Variants in HK3 observed in about 807,000 individuals in gnomAD.
HK3 encodes the protein hexokinase-3.
A neutral mutation model predicts 91.0 loss-of-function variants in HK3; 93 were observed. The observed-to-expected ratio is 1.02, with a 90% CI of 0.86 to 1.21. The LOEUF is 1.21. Among genes scored for constraint, HK3 ranks in the 50% most tolerant of loss-of-function variants. The pLI is 0.00. For synonymous variants in HK3, 519 were observed against 516.9 expected, an observed-to-expected ratio of 1.00 and a Z score of -0.06; for missense variants, 1,235 against 1,247.4, an observed-to-expected ratio of 0.99 and a Z score of 0.15.
intron 16 of HK3, 24 bp downstream of exon 16, chr5:176,881,920 C>A (rs1355877670): frequency 6.2e-7 from 1 of 1,612,660 alleles, no homozygotes; most frequent in Non-Finnish European, 8.5e-7. Flanking sequence ...CAGCCAGCCA[C>A]CACTGCCTGG....
chr5:176,891,152 C>T lies in HK3; in HGVS notation c.299G>A (p.Gly100Glu), dbSNP rs1758761349. 1 of 1,614,140 alleles carries T rather than the reference C, an allele frequency of 6.2e-7. No homozygotes were observed. Among genetic ancestry groups the T allele is most frequent in the Non-Finnish European group, 8.5e-7 (1 of 1,180,040 alleles). ...CACCCACAAAACACGCAGTGAGGCC[C>T]CTGTGGCCCCCAGCTCCAGCACCAC... Reference protein sequence around the residue: ...DFVVLELGATGASLRVLWVTL... With the variant: ...DFVVLELGATEASLRVLWVTL... The change falls in exon 4 of 19, where the codon GGG becomes GAG. Residue 100 changes from glycine (G) to glutamate (E), a missense_variant. Physicochemically the swap from Gly to Glu is moderately conservative, Grantham distance 98. Coordinates refer to ENST00000292432, the MANE Select transcript of HK3 (RefSeq NM_002115.3).
Position 176,888,499 on chromosome 5 carries a change from C to T in HK3, c.1137G>A (p.Ser379=), listed in dbSNP as rs372348774. 52 of 1,553,950 alleles carry T rather than the reference C, an allele frequency of 3.3e-5. No homozygotes were observed. In the Admixed American group the frequency reaches 5.1e-4, roughly 15 times the overall value. Residue 379 remains serine, a synonymous_variant, in exon 10 of 19, where the codon TCG becomes TCA. Coordinates refer to ENST00000292432, the MANE Select transcript of HK3 (RefSeq NM_002115.3). The part of the protein sequence containing the change: ...LQDLGLSPGA[S]DVELVQHVCA... Reference sequence around the variant, plus strand: ...AGACGTGCTGCACAAGCTCAACATCCGAAGCCCCAGGGCTCAGGCCCAAGT... The same window carrying T: ...AGACGTGCTGCACAAGCTCAACATCTGAAGCCCCAGGGCTCAGGCCCAAGT...
chr5:176,891,236 C>A (rs905333247), intron 3 of HK3, 45 bp from the exon 4 acceptor site: 5 of 1,613,748 alleles, frequency 3.1e-6, no homozygotes, highest in Non-Finnish European at 4.2e-6. Flanking sequence ...CTGGCAAGAC[C>A]AGAGCCCTCT....
chr5:176,892,194 G>A (rs1051644255), intron 2 of HK3, among the ~76,000 whole-genome samples: 2 of 152,198 alleles, frequency 1.3e-5, no homozygotes, highest in African/African-American at 4.8e-5. Context: ...AATTAAGCAC[G>A]TGAACATACA....
Position 176,884,156 on chromosome 5 carries a change from G to T in HK3, c.1858-22C>A. ...TGCCCTGGGGTGAGACCGAGAGGAA[G>T]TGGCAGGAAGCTGGAGGCCCCTTCA... On this transcript the variant is annotated intron_variant, in intron 13 of 18. Coordinates refer to ENST00000292432, the MANE Select transcript of HK3 (RefSeq NM_002115.3). This position sits in a 1 kb window ranked among gnomAD's most constrained non-coding sequence, Gnocchi z 4.1. The T allele has an allele frequency of 6.2e-7, 1 of 1,604,442 alleles. No homozygotes were observed. The highest frequency in any genetic ancestry group is 8.5e-7 in the Non-Finnish European group (1 of 1,171,388).
intron 1 of HK3, among the ~76,000 whole-genome samples, chr5:176,897,388 G>A (rs918676817): frequency 2.0e-5 from 3 of 152,114 alleles, no homozygotes; most frequent in African/African-American, 7.2e-5. Context: ...ACACAGCAGA[G>A]GGCCCAATAT....
rs368153079 is a variant in HK3 at position 176,881,448 on chromosome 5, C to T, written c.2481G>A (p.Glu827=). 4.3e-6 allele frequency: 7 copies of T among 1,610,462 alleles called. No individual in the cohort carries two copies. The African/African-American group carries it at 9.3e-5, about 21-fold the overall frequency. The change falls in exon 18 of 19, where the codon GAG becomes GAA. Residue 827 remains glutamate (E), a synonymous_variant. Transcript: ENST00000292432. ...LTSDDALMVL[E]VCQAVSQRAA... is the part of the protein sequence containing the mutation. ...CCCTCTGGGACACAGCCTGGCACAC[C>T]TCTAGCACCATCAGGGCGTCATCTG...
Position 176,882,139 on chromosome 5 carries a change from C to A in HK3, c.2054-12G>T. 6.2e-7 allele frequency: 1 copy of A among 1,612,074 alleles called. No homozygotes were observed. Among genetic ancestry groups the A allele is most frequent in the East Asian group, 2.2e-5 (1 of 44,864 alleles). ...ATTGGTGCCGGTTCCTGCAGAGAGG[C>A]CAGACAACGTGGAAGCTACTTACTG... is the stretch of plus-strand genomic sequence containing the variant. On this transcript the variant is annotated splice_polypyrimidine_tract_variant and intron_variant, in intron 15 of 18. Coordinates refer to ENST00000292432, the MANE Select transcript of HK3 (RefSeq NM_002115.3).
rs771412859 is a variant in HK3, at chr5:176,884,028, C to G, written c.1953+11G>C. On this transcript the variant is annotated intron_variant, in intron 14 of 18. Transcript: ENST00000292432. This position sits in a 1 kb window ranked among gnomAD's most constrained non-coding sequence, Gnocchi z 4.1. ...CCACAGCCCCAAAGCACCCCTAGAACAGGCTCCTACCTGTCTGCGAGTGAT... is the reference window on the plus strand; with the variant it reads ...CCACAGCCCCAAAGCACCCCTAGAAGAGGCTCCTACCTGTCTGCGAGTGAT... 1.2e-6 allele frequency: 2 copies of G among 1,613,542 alleles called. No homozygotes were observed. Among genetic ancestry groups the G allele is most frequent in the South Asian group, 2.2e-5 (2 of 91,076 alleles).
In HK3 at chr5:176,889,464, G is replaced by A; in HGVS notation, c.831C>T (p.Phe277=). The change falls in exon 8 of 19, where the codon TTC becomes TTT. Residue 277 remains phenylalanine, a synonymous_variant. Coordinates refer to ENST00000292432, the MANE Select transcript of HK3 (RefSeq NM_002115.3). The part of the protein sequence containing the change: ...RVCVSVEWGS[F]SDDGALGPVL... ...CTGGTCCCAGCGCCCCATCATCGCT[G>A]AAGGAGCCCCACTCGACGCTGACGC... 6.2e-7 allele frequency: 1 copy of A among 1,614,216 alleles called. No individual in the cohort carries two copies. Among genetic ancestry groups the A allele is most frequent in the Non-Finnish European group, 8.5e-7 (1 of 1,180,038 alleles).
At chr5:176,896,791 T>C (rs189412908) in intron 1 of HK3, among the ~76,000 whole-genome samples, 2 of 152,308 alleles carry the variant, frequency 1.3e-5, no homozygotes, top group Non-Finnish European at 2.9e-5. Flanking sequence ...ACTAGTGACC[T>C]GACCTTGGAC....
At chr5:176,889,619 G>A (rs1452171731) in intron 7 of HK3, 26 bp downstream of exon 7, 1 of 1,614,038 alleles carries the variant, frequency 6.2e-7, no homozygotes, top group East Asian at 2.2e-5. Context: ...CCCTCCACCT[G>A]TCATCACAAA....
Position 176,881,823 on chromosome 5 carries a change from C to T in HK3, c.2262G>A (p.Met754Ile). The change falls in exon 17 of 19, where the codon ATG becomes ATA. Residue 754 changes from methionine to isoleucine, a missense_variant. Coordinates refer to ENST00000292432, the MANE Select transcript of HK3 (RefSeq NM_002115.3). The part of the protein sequence containing the change: ...KQRFEKMISG[M>I]YLGEIVRHIL... ...TGTGGCGGACGATCTCCCCCAGGTA[C>T]ATGCCGCTGATCATCTTTTCAAACC... 6.2e-6 allele frequency: 10 copies of T among 1,614,068 alleles called. No homozygotes were observed. Among genetic ancestry groups the T allele is most frequent in the Non-Finnish European group, 8.5e-6 (10 of 1,180,016 alleles).
intron 6 of HK3, among the ~76,000 whole-genome samples, chr5:176,890,005 C>T (rs1002929145): frequency 4.6e-5 from 7 of 152,140 alleles, no homozygotes; most frequent in Admixed American, 3.9e-4. Context: ...CTCACCATCT[C>T]CCAGGACCAG....
rs769496471 is a variant in HK3 at position 176,887,513 on chromosome 5, C to A, written c.1538G>T (p.Arg513Leu). 1 of 1,613,736 alleles carries A rather than the reference C, an allele frequency of 6.2e-7. No individual in the cohort carries two copies. The highest frequency in any genetic ancestry group is 1.1e-5 in the South Asian group (1 of 91,086). The change falls in exon 11 of 19, where the codon CGA (arginine) becomes CTA (leucine). Residue 513 changes from arginine (R) to leucine (L), a missense_variant. Coordinates refer to ENST00000292432, the MANE Select transcript of HK3 (RefSeq NM_002115.3). This position sits in a 1 kb window ranked among gnomAD's most constrained non-coding sequence, Gnocchi z 4.9. ...CATGCGAAGGGAGGAGGCCTCCCCTCGGAGCCCCTTGGCCATGGCCTTCCG... is the reference window on the plus strand; with the variant it reads ...CATGCGAAGGGAGGAGGCCTCCCCTAGGAGCCCCTTGGCCATGGCCTTCCG... ...QMRKAMAKGL[R>L]GEASSLRMLP...
chr5:176,896,927 G>C (rs181051519), intron 1 of HK3, among the ~76,000 whole-genome samples: 2 of 146,050 alleles, frequency 1.4e-5, no homozygotes, highest in East Asian at 3.9e-4. Flanking sequence ...ATGAGATGTA[G>C]TGTGCAACAT....
In HK3 at chr5:176,882,122, C is replaced by T. The variant is rs139947848; in HGVS notation, c.2059G>A (p.Gly687Ser). 83 of 1,612,858 alleles carry T rather than the reference C, an allele frequency of 5.1e-5. No homozygotes were observed. Among genetic ancestry groups the T allele is most frequent in the Middle Eastern group, 3.3e-4 (2 of 6,062 alleles). ...TCCTCCATGTAGCAGGCATTGGTGC[C>T]GGTTCCTGCAGAGAGGCCAGACAAC... ...RCEIGLIVGT[G>S]TNACYMEELR... is the part of the protein sequence containing the mutation. The change falls in exon 16 of 19, where the codon GGC (glycine) becomes AGC (serine). Residue 687 changes from glycine to serine, a missense_variant. Gly to Ser is a moderately conservative substitution (Grantham distance 56). Coordinates refer to ENST00000292432, the MANE Select transcript of HK3 (RefSeq NM_002115.3).
At position 176,887,983 on chromosome 5, in the gene HK3, C is replaced by T. The variant is rs951793714; in HGVS notation, c.1305-237G>A. On this transcript the variant is annotated intron_variant, in intron 10 of 18. Coordinates refer to ENST00000292432, the MANE Select transcript of HK3 (RefSeq NM_002115.3). This position sits in a 1 kb window ranked among gnomAD's most constrained non-coding sequence, Gnocchi z 4.9. ...CGGAGTGATCATGGCTTACTGTAAC[C>T]TCAAACTCCCAGGCTCCAATGATCC... 6.6e-6 allele frequency among the ~76,000 whole-genome samples: 1 copy of T among 152,040 alleles called. No homozygotes were observed. Among genetic ancestry groups the T allele is most frequent in the Non-Finnish European group, 1.5e-5 (1 of 68,000 alleles).
chr5:176,890,988 C>T (rs1758752574), intron 4 of HK3, 47 bp from the exon 5 acceptor site: 1 of 1,613,738 alleles, frequency 6.2e-7, no homozygotes, highest in Non-Finnish European at 8.5e-7. Flanking sequence ...TGAGCCCTAG[C>T]CACCCAGCCA....
Sources: gnomAD v4.1 joint callset for allele counts (sites outside exome capture counted in the v4.1 genomes callset) on GRCh38, gnomAD v4.1.1 for gene constraint, Gnocchi (gnomAD v3.1) non-coding constraint, MANE v1.5 for transcripts, NCBI Gene and HGNC (gene_info 2026-07-23, HGNC 2026-07-21) for gene names.